Variants in EPM2A observed in about 807,000 individuals in gnomAD.
EPM2A encodes the protein EPM2A glucan phosphatase, laforin.
A neutral mutation model predicts 26.5 loss-of-function variants in EPM2A; 21 were observed. The observed-to-expected ratio is 0.79, with a 90% CI of 0.56 to 1.14. EPM2A has a LOEUF of 1.14. Ranked by LOEUF, EPM2A falls within the 50% of genes most tolerant of loss-of-function variation. The pLI is 0.00. For missense variants in EPM2A, 458 were observed against 440.8 expected, an observed-to-expected ratio of 1.04 and a Z score of -0.35; for synonymous variants, 217 against 177.6, an observed-to-expected ratio of 1.22 and a Z score of -1.76.
intron 4 of EPM2A, among the ~76,000 whole-genome samples, chr6:145,400,487 C>A (rs950658912): frequency 2.0e-5 from 3 of 152,042 alleles, no homozygotes; most frequent in Non-Finnish European, 2.9e-5. Context: ...TAATATTGAC[C>A]CCCGCCCTTT....
intron 4 of EPM2A, among the ~76,000 whole-genome samples, chr6:145,496,331 G>T (rs757483416): frequency 4.2e-4 from 64 of 152,124 alleles, no homozygotes; most frequent in Non-Finnish European, 8.1e-4. Context: ...TGAATTTCCT[G>T]CATTTCCTTA....
chr6:145,646,329 T>C (rs912844068), intron 2 of EPM2A, among the ~76,000 whole-genome samples: 37 of 151,788 alleles, frequency 2.4e-4, no homozygotes, highest in African/African-American at 8.2e-4. Flanking sequence ...GCTAATTTTT[T>C]TTTTTAATTT....
chr6:145,642,866 G>A (rs1409395039), intron 2 of EPM2A, among the ~76,000 whole-genome samples: 1 of 152,144 alleles, frequency 6.6e-6, no homozygotes, highest in Non-Finnish European at 1.5e-5. Flanking sequence ...ATATGCTAGG[G>A]AATTTATATA....
In EPM2A at chr6:145,562,940, G is replaced by A. The variant is rs139799786; in HGVS notation, c.341-60365C>T. ...GTGTCTTCTGCTTGCACCATAGAAG[G>A]TGAGATCAAACGTCCTACTCAAAAC... On this transcript the variant is annotated intron_variant, in intron 2 of 3. Transcript: ENST00000450221. Among the ~76,000 whole-genome samples the A allele has an allele frequency of 2.0e-4, 30 of 151,272 alleles. No homozygotes were observed. The East Asian group carries it at 4.4e-3, about 22-fold the overall frequency.
At chr6:145,523,371 G>T (rs1405264309) in intron 2 of EPM2A, among the ~76,000 whole-genome samples, 2 of 152,124 alleles carry the variant, frequency 1.3e-5, no homozygotes, top group African/African-American at 4.8e-5. Flanking sequence ...TTGAAGGTTT[G>T]TTTCAACCCT....
chr6:145,395,619 G>T (rs1778394984), intron 4 of EPM2A, among the ~76,000 whole-genome samples: 2 of 152,080 alleles, frequency 1.3e-5, no homozygotes, highest in Non-Finnish European at 2.9e-5. Flanking sequence ...CCACTGACCT[G>T]CTATAAGACA....
intron 4 of EPM2A, among the ~76,000 whole-genome samples, chr6:145,417,346 A>C (rs1403440100): frequency 6.6e-6 from 1 of 152,160 alleles, no homozygotes; most frequent in Non-Finnish European, 1.5e-5. Context: ...ACAGCTCTCA[A>C]AACTGCCCGT....
At chr6:145,447,957 G>T (rs12197431) in intron 4 of EPM2A, among the ~76,000 whole-genome samples, 1 of 152,028 alleles carries the variant, frequency 6.6e-6, no homozygotes, top group African/African-American at 2.4e-5. Flanking sequence ...CATCAAACTG[G>T]TAGGACTTCT....
At chr6:145,658,801 C>T (rs1259988904) in intron 2 of EPM2A, among the ~76,000 whole-genome samples, 2 of 152,064 alleles carry the variant, frequency 1.3e-5, no homozygotes, top group Non-Finnish European at 2.9e-5. Context: ...TTAATATTAA[C>T]TCTTAGTCTT....
intron 2 of EPM2A, among the ~76,000 whole-genome samples, chr6:145,610,515 A>T (rs1447412057): frequency 6.6e-6 from 1 of 152,216 alleles, no homozygotes; most frequent in Non-Finnish European, 1.5e-5. Flanking sequence ...ATCCTAAGCT[A>T]CTTTCTATGT....
intron 1 of EPM2A, among the ~76,000 whole-genome samples, chr6:145,712,458 T>C (rs1466495132): frequency 2.0e-5 from 3 of 152,042 alleles, no homozygotes; most frequent in Non-Finnish European, 4.4e-5. Flanking sequence ...TTTGAAGAAT[T>C]ATAACAGGAG....
intron 2 of EPM2A, among the ~76,000 whole-genome samples, chr6:145,597,199 G>A (rs1781358179): frequency 6.6e-6 from 1 of 152,044 alleles, no homozygotes; most frequent in South Asian, 2.1e-4. Context: ...CGGCCTCTCC[G>A]AGATCTTATA....
chr6:145,496,660 G>GTT (rs1779823764), downstream of EPM2A, among the ~76,000 whole-genome samples: 1 of 146,664 alleles, frequency 6.8e-6, no homozygotes, highest in African/African-American at 2.5e-5. Context: ...CCTGTACTGT[G>GTT]TTTTTCAGCT....
At chr6:145,735,109 T>G (rs2128649059) in intron 1 of EPM2A, 89 bp downstream of exon 1, 1 of 980,052 alleles carries the variant, frequency 1.0e-6, no homozygotes, top group Non-Finnish European at 1.4e-6. Flanking sequence ...CGCCGGGGCC[T>G]GCGGGGCCTG....
intron 2 of EPM2A, among the ~76,000 whole-genome samples, chr6:145,574,902 G>A (rs1451296587): frequency 1.3e-5 from 2 of 152,060 alleles, no homozygotes; most frequent in African/African-American, 4.8e-5. Flanking sequence ...CTATTCCCAT[G>A]CCGTTCTCCA....
At chr6:145,661,563 T>G (rs1192181552) in intron 2 of EPM2A, among the ~76,000 whole-genome samples, 6 of 152,212 alleles carry the variant, frequency 3.9e-5, no homozygotes, top group Admixed American at 3.9e-4. Flanking sequence ...AATACAATAC[T>G]GGGAAAATGG....
At chr6:145,593,737 T>C (rs1005327727) in intron 2 of EPM2A, among the ~76,000 whole-genome samples, 1 of 151,950 alleles carries the variant, frequency 6.6e-6, no homozygotes, top group African/African-American at 2.4e-5. Context: ...CTAAAACTTA[T>C]CAAAATCTAC....
At chr6:145,442,645 T>C (rs1449892678) in intron 4 of EPM2A, among the ~76,000 whole-genome samples, 1 of 151,314 alleles carries the variant, frequency 6.6e-6, no homozygotes, top group African/African-American at 2.4e-5. Flanking sequence ...TGGGATTTGG[T>C]TGGGGACACA....
At position 145,572,558 on chromosome 6, in the gene EPM2A, G is replaced by T. The variant is rs1194120751; in HGVS notation, c.340+62687C>A. On this transcript the variant is annotated intron_variant, in intron 2 of 3. Transcript: ENST00000450221. ...GTGACGTGATGACCCATATGCAAAT[G>T]TTCAGTTTCCACCAAAGCCCAGTAA... 2.0e-5 allele frequency among the ~76,000 whole-genome samples: 3 copies of T among 152,314 alleles called. No homozygotes were observed. The East Asian group carries it at 5.8e-4, about 29-fold the overall frequency.
Sources: gnomAD v4.1 joint callset for allele counts (sites outside exome capture counted in the v4.1 genomes callset) on GRCh38, gnomAD v4.1.1 for gene constraint, MANE v1.5 for transcripts, NCBI Gene and HGNC (gene_info 2026-07-23, HGNC 2026-07-21) for gene names.